Variants in BAZ1A observed in about 807,000 individuals in gnomAD.
BAZ1A encodes bromodomain adjacent to zinc finger domain protein 1A.
BAZ1A carries 50 observed loss-of-function variants against 185.2 expected under a neutral mutation model. The observed-to-expected ratio is 0.27, with a 90% CI of 0.22 to 0.34. The LOEUF (loss-of-function observed/expected upper bound fraction) is 0.34. Ranked by LOEUF, BAZ1A falls within the 10% of genes least tolerant of loss-of-function variation. The probability of loss-of-function intolerance (pLI) is 1.00; values close to 1 mark genes in which losing one functional copy is unlikely to be tolerated. For synonymous variants in BAZ1A, 571 were observed against 615.6 expected, an observed-to-expected ratio of 0.93 and a Z score of 1.07; for missense variants, 1,356 against 1,839.9, an observed-to-expected ratio of 0.74 and a Z score of 4.81.
chr14:34,768,530 T>G (rs573812505), intron 21 of BAZ1A, among the ~76,000 whole-genome samples: 16 of 152,282 alleles, frequency 1.1e-4, no homozygotes, highest in African/African-American at 3.8e-4. Context: ...AGGAAGATAC[T>G]ATTTTAAGCT....
intron 20 of BAZ1A, among the ~76,000 whole-genome samples, chr14:34,771,934 A>G (rs1879249987): frequency 6.6e-6 from 1 of 151,876 alleles, no homozygotes; most frequent in African/African-American, 2.4e-5. Flanking sequence ...CGGGCAGCTT[A>G]TCTCTATTTC....
At chr14:34,827,612 G>A (rs940963316) in intron 3 of BAZ1A, among the ~76,000 whole-genome samples, 5 of 151,954 alleles carry the variant, frequency 3.3e-5, no homozygotes, top group African/African-American at 1.2e-4. Flanking sequence ...GCGGGTGCCT[G>A]TAGTCCCAGC....
chr14:34,868,715 C>T (rs896512387), intron 2 of BAZ1A, among the ~76,000 whole-genome samples: 9 of 150,972 alleles, frequency 6.0e-5, no homozygotes, highest in African/African-American at 1.5e-4. Flanking sequence ...GTGGGAGAAT[C>T]GCTTGAACCA....
At chr14:34,838,070 CAAAT>C (rs1190771170) in intron 3 of BAZ1A, among the ~76,000 whole-genome samples, 1 of 152,104 alleles carries the variant, frequency 6.6e-6, no homozygotes, top group Middle Eastern at 3.2e-3. Context: ...AAGCAGAAAA[CAAAT>C]AAAAGCCTGA....
At chr14:34,839,495 C>T (rs908806428) in intron 3 of BAZ1A, among the ~76,000 whole-genome samples, 1 of 140,960 alleles carries the variant, frequency 7.1e-6, no homozygotes, top group African/African-American at 2.7e-5. Flanking sequence ...GCTGAGATCA[C>T]ATCACTACAC....
At chr14:34,846,784 T>G (rs957287856) in intron 3 of BAZ1A, among the ~76,000 whole-genome samples, 1 of 152,116 alleles carries the variant, frequency 6.6e-6, no homozygotes, top group Non-Finnish European at 1.5e-5. Flanking sequence ...CCTAACGATA[T>G]GTACCTAAAA....
At chr14:34,843,493 A>G (rs1277791281) in intron 3 of BAZ1A, among the ~76,000 whole-genome samples, 1 of 152,114 alleles carries the variant, frequency 6.6e-6, no homozygotes, top group African/African-American at 2.4e-5. Context: ...GAGGCCCCAG[A>G]CATGTAAGGC....
rs552944722 is a variant in BAZ1A, at chr14:34,786,654, C to A, written c.1511-433G>T. On this transcript the variant is annotated intron_variant, in intron 12 of 26. Transcript: ENST00000360310. Reference sequence around the variant, plus strand: ...ATGTAGTCTTGCTCTGTCACCCAGGCTGGAGTGCAGTGGCACGATCTCGGC... The same window carrying A: ...ATGTAGTCTTGCTCTGTCACCCAGGATGGAGTGCAGTGGCACGATCTCGGC... 9.4e-3 allele frequency: 1,317 copies of A among 139,450 alleles called. 9 individuals are homozygous for A. Among genetic ancestry groups the A allele is most frequent in the Non-Finnish European group, 0.015 (1,017 of 67,996 alleles). 8.6% of individuals were successfully genotyped at this position (139,450 alleles called of 1,614,324 possible).
At chr14:34,769,638 A>T (rs1366863475) in intron 21 of BAZ1A, among the ~76,000 whole-genome samples, 1 of 152,206 alleles carries the variant, frequency 6.6e-6, no homozygotes, top group Non-Finnish European at 1.5e-5. Flanking sequence ...AAAAAACTTT[A>T]ATGAAAATTT....
In BAZ1A at chr14:34,874,470, C is replaced by G; in HGVS notation, c.113+22G>C. 1 of 1,604,826 alleles carries G rather than the reference C, an allele frequency of 6.2e-7. No homozygotes were observed. Among genetic ancestry groups the G allele is most frequent in the South Asian group, 1.1e-5 (1 of 90,910 alleles). On this transcript the variant is annotated intron_variant, in intron 2 of 26. Coordinates refer to ENST00000360310, the MANE Select transcript of BAZ1A (RefSeq NM_013448.3). The surrounding 1 kb of genome is among the most constrained non-coding windows in gnomAD (Gnocchi z 4.7). ...GGGAGTCCCCACACCCCCCGCGGCC[C>G]CGCACACGGCCCGGCTCTTACTCGT...
At chr14:34,826,190 C>T in intron 3 of BAZ1A, 34 bp from the exon 4 acceptor site, 1 of 1,597,598 alleles carries the variant, frequency 6.3e-7, no homozygotes, top group Non-Finnish European at 8.5e-7. Flanking sequence ...AAATGCAAAT[C>T]ATTTCATATT....
intron 4 of BAZ1A, among the ~76,000 whole-genome samples, chr14:34,817,683 C>T (rs1347116356): frequency 6.6e-6 from 1 of 152,148 alleles, no homozygotes; most frequent in Admixed American, 6.5e-5. Context: ...AGGCAAAGAA[C>T]TTGAATGGGT....
intron 5 of BAZ1A, among the ~76,000 whole-genome samples, chr14:34,810,288 A>T (rs1405014890): frequency 6.6e-6 from 1 of 152,208 alleles, no homozygotes; most frequent in Non-Finnish European, 1.5e-5. Flanking sequence ...ATTTTCCTAA[A>T]ATATATCTGT....
In BAZ1A at chr14:34,794,663, C is replaced by G. The variant is rs1881082135; in HGVS notation, c.1363+86G>C. On this transcript the variant is annotated intron_variant, in intron 11 of 26. Transcript: ENST00000360310. ...AGAGATCCCAACTCCAGTGCCCCCA[C>G]AGAACTTTACAAGGTGGCTTGTTTT... The G allele has an allele frequency of 5.0e-6, 7 of 1,398,360 alleles. No individual in the cohort carries two copies. In the Admixed American group the frequency reaches 1.5e-4, roughly 30 times the overall value. The allele number at this position is 1,398,360 out of a possible 1,614,324, so 86.6% of individuals were successfully genotyped here.
chr14:34,789,935 T>C (rs1880731274), intron 12 of BAZ1A, among the ~76,000 whole-genome samples: 1 of 152,216 alleles, frequency 6.6e-6, no homozygotes, highest in Admixed American at 6.5e-5. Flanking sequence ...GCCATGTTTC[T>C]TCAAACTAAG....
rs1026452155 is a variant in BAZ1A, at chr14:34,765,252, C to T, written c.3318G>A (p.Gly1106=). 6.2e-7 allele frequency: 1 copy of T among 1,613,246 alleles called. No homozygotes were observed. The highest frequency in any genetic ancestry group is 1.3e-5 in the African/African-American group (1 of 74,868). ...GGTCCAGAACTGTTTTATAAGAACGCCCACTGTCACTGGCATCTTAAATGA... is the reference window on the plus strand; with the variant it reads ...GGTCCAGAACTGTTTTATAAGAACGTCCACTGTCACTGGCATCTTAAATGA... ...LKAPLDASDS[G]RSYKTVLDRW... The change falls in exon 22 of 27, where the codon GGG becomes GGA. Residue 1106 remains glycine (G), a synonymous_variant. Transcript: ENST00000360310.
At chr14:34,769,917 G>C (rs1350653460) in intron 21 of BAZ1A, among the ~76,000 whole-genome samples, 1 of 152,172 alleles carries the variant, frequency 6.6e-6, no homozygotes, top group Non-Finnish European at 1.5e-5. Context: ...TACCAACTCT[G>C]CTATCTTTGG....
At chr14:34,871,983 A>G (rs2138846976) in intron 2 of BAZ1A, among the ~76,000 whole-genome samples, 1 of 152,364 alleles carries the variant, frequency 6.6e-6, no homozygotes, top group Middle Eastern at 3.4e-3. Context: ...GCATTTTTGG[A>G]AAGATCTCTT....
chr14:34,809,925 CA>C (rs1456815087), intron 5 of BAZ1A, among the ~76,000 whole-genome samples: 1 of 152,060 alleles, frequency 6.6e-6, no homozygotes, highest in East Asian at 1.9e-4. Context: ...TTTGAATAAT[CA>C]AACATTAGTT....
Sources: allele counts gnomAD v4.1 joint callset (sites outside exome capture counted in the v4.1 genomes callset), GRCh38; gene constraint gnomAD v4.1.1; non-coding constraint Gnocchi (gnomAD v3.1); transcripts MANE v1.5; gene names NCBI Gene and HGNC (gene_info 2026-07-23, HGNC 2026-07-21).